The following CTNNBIP1 variants were observed in gnomAD, a reference collection of about 807,000 sequenced individuals.
CTNNBIP1 encodes catenin beta interacting protein 1.
CTNNBIP1 carries 7 observed loss-of-function variants against 11.8 expected under a neutral mutation model. That is an observed-to-expected ratio of 0.60 (90% confidence interval 0.34 to 1.12). CTNNBIP1 has a LOEUF of 1.12. Among genes scored for constraint, CTNNBIP1 ranks in the 50% most tolerant of loss-of-function variants. CTNNBIP1 has a pLI of 0.03. For synonymous variants in CTNNBIP1, 58 were observed against 43.9 expected, an observed-to-expected ratio of 1.32 and a Z score of -1.26; for missense variants, 101 against 113.4, an observed-to-expected ratio of 0.89 and a Z score of 0.50.
At chr1:9,907,447 CA>C (rs1308704678) in intron 1 of CTNNBIP1, among the ~76,000 whole-genome samples, 5 of 152,120 alleles carry the variant, frequency 3.3e-5, no homozygotes, top group Admixed American at 6.5e-5. Context: ...TTGGCATATA[CA>C]GGGGTGAGCC....
chr1:9,861,675 C>T (rs1638629611), intron 5 of CTNNBIP1, among the ~76,000 whole-genome samples: 1 of 152,212 alleles, frequency 6.6e-6, no homozygotes, highest in African/African-American at 2.4e-5. Flanking sequence ...GCTGCTGAGC[C>T]AGCTCCCAGT....
chr1:9,900,826 G>C (rs1431515586), intron 1 of CTNNBIP1, among the ~76,000 whole-genome samples: 1 of 152,220 alleles, frequency 6.6e-6, no homozygotes, highest in African/African-American at 2.4e-5. Context: ...CCAGAGGAAG[G>C]CTATGTGCCC....
At chr1:9,876,845 T>TACACACACACACACACACACAC (rs34192085) in intron 3 of CTNNBIP1, among the ~76,000 whole-genome samples, 2 of 138,102 alleles carry the variant, frequency 1.4e-5, no homozygotes, top group Non-Finnish European at 3.2e-5. Context: ...CTGCTATACA[T>TACACACACACACACACACACAC]ACACACACAC....
rs2101414175 is a variant in CTNNBIP1, at chr1:9,850,501, C to A, written c.*217G>T. 2.2e-6 allele frequency: 1 copy of A among 459,662 alleles called. No individual in the cohort carries two copies. The highest frequency in any genetic ancestry group is 4.0e-6 in the Non-Finnish European group (1 of 252,860). 28.5% of individuals were successfully genotyped at this position (459,662 alleles called of 1,614,324 possible). A position where few individuals can be genotyped will look rare whatever the true frequency, so the allele number is the denominator to read the frequency against. ...AAAAAAGTTTCTTCCTGCAGCCAATCACAAGTCCATCCCTTTAAGCCAATT... is the reference window on the plus strand; with the variant it reads ...AAAAAAGTTTCTTCCTGCAGCCAATAACAAGTCCATCCCTTTAAGCCAATT... On this transcript the variant is annotated 3_prime_UTR_variant, in exon 6 of 6. Coordinates refer to ENST00000377263, the MANE Select transcript of CTNNBIP1 (RefSeq NM_020248.3).
At chr1:9,862,584 T>C (rs143635785) in intron 5 of CTNNBIP1, among the ~76,000 whole-genome samples, 1 of 152,324 alleles carries the variant, frequency 6.6e-6, no homozygotes, top group Non-Finnish European at 1.5e-5. Context: ...TGCTACAGAC[T>C]GTCCCCTGAC....
At chr1:9,857,806 C>CA (rs1430924621) in intron 5 of CTNNBIP1, among the ~76,000 whole-genome samples, 2 of 152,086 alleles carry the variant, frequency 1.3e-5, no homozygotes, top group African/African-American at 2.4e-5. Flanking sequence ...GTCTCAAAAA[C>CA]AATAACAACA....
At chr1:9,901,685 C>T (rs541081531) in intron 1 of CTNNBIP1, among the ~76,000 whole-genome samples, 1 of 152,310 alleles carries the variant, frequency 6.6e-6, no homozygotes, top group African/African-American at 2.4e-5. Context: ...AATCTTCTAG[C>T]TGAAACAGCG....
At chr1:9,859,436 C>G (rs1638577927) in intron 5 of CTNNBIP1, among the ~76,000 whole-genome samples, 1 of 152,220 alleles carries the variant, frequency 6.6e-6, no homozygotes, top group African/African-American at 2.4e-5. Flanking sequence ...TGAACTCCCA[C>G]CAGCATGCTG....
intron 5 of CTNNBIP1, among the ~76,000 whole-genome samples, chr1:9,854,728 G>T (rs1335359502): frequency 2.0e-5 from 3 of 152,004 alleles, no homozygotes; most frequent in Non-Finnish European, 2.9e-5. Flanking sequence ...CCAGGCCAGA[G>T]TGCAGTGGCA....
At chr1:9,881,719 G>C (rs1639087236) in intron 2 of CTNNBIP1, among the ~76,000 whole-genome samples, 1 of 152,136 alleles carries the variant, frequency 6.6e-6, no homozygotes, top group African/African-American at 2.4e-5. Context: ...TCTAGAATGA[G>C]AAAAAGAAGG....
At chr1:9,861,956 C>T (rs1638637079) in intron 5 of CTNNBIP1, among the ~76,000 whole-genome samples, 1 of 152,236 alleles carries the variant, frequency 6.6e-6, no homozygotes, top group South Asian at 2.1e-4. Context: ...CGACATCCCA[C>T]AGGGTCGCAC....
intron 1 of CTNNBIP1, among the ~76,000 whole-genome samples, chr1:9,891,628 C>T (rs1639302312): frequency 6.6e-6 from 1 of 152,098 alleles, no homozygotes; most frequent in Non-Finnish European, 1.5e-5. Flanking sequence ...TGGGGAAACG[C>T]TTCCCAATCA....
At chr1:9,869,191 G>T (rs1374252043) in intron 5 of CTNNBIP1, among the ~76,000 whole-genome samples, 2 of 151,100 alleles carry the variant, frequency 1.3e-5, no homozygotes, top group East Asian at 3.9e-4. Context: ...GTAGCGAGAG[G>T]GTCTCCCTAT....
chr1:9,853,899 T>TGCTA (rs76484326), intron 5 of CTNNBIP1, among the ~76,000 whole-genome samples: 17,730 of 151,956 alleles, frequency 0.12, 2,860 homozygotes, highest in African/African-American at 0.35. Flanking sequence ...CCCAACAAAA[T>TGCTA]GCTAGCAAAC....
chr1:9,863,210 T>A (rs1638670207), intron 5 of CTNNBIP1, among the ~76,000 whole-genome samples: 1 of 152,204 alleles, frequency 6.6e-6, no homozygotes, highest in Non-Finnish European at 1.5e-5. Context: ...TCCCCCTTTT[T>A]CAGTGACACA....
At chr1:9,898,456 G>A (rs189913154) in intron 1 of CTNNBIP1, among the ~76,000 whole-genome samples, 65 of 152,258 alleles carry the variant, frequency 4.3e-4, no homozygotes, top group Non-Finnish European at 7.2e-4. Flanking sequence ...TCTGGGAGTC[G>A]GAGGTTGCAG....
intron 3 of CTNNBIP1, among the ~76,000 whole-genome samples, chr1:9,877,573 TA>T (rs1007610388): frequency 1.3e-5 from 2 of 152,234 alleles, no homozygotes; most frequent in African/African-American, 4.8e-5. Flanking sequence ...TGATAGATTC[TA>T]ATACATTTAA....
intron 5 of CTNNBIP1, among the ~76,000 whole-genome samples, chr1:9,865,877 G>A (rs1299925046): frequency 6.6e-6 from 1 of 152,148 alleles, no homozygotes; most frequent in Non-Finnish European, 1.5e-5. Flanking sequence ...CTGACCATGA[G>A]AGAAGCCTGG....
Position 9,872,084 on chromosome 1 carries a change from G to A in CTNNBIP1, c.-20C>T. ...GTTCATCCCCCTGCCTGGCTCTGGG[G>A]ACTCCTGCAGAGCAAGCAACAGCAT... is the stretch of plus-strand genomic sequence containing the variant. On this transcript the variant is annotated 5_prime_UTR_variant, in exon 4 of 6. Transcript: ENST00000377263. This position sits in a 1 kb window ranked among gnomAD's most constrained non-coding sequence, Gnocchi z 4.0. The A allele has an allele frequency of 6.3e-7, 1 of 1,581,382 alleles. No individual in the cohort carries two copies. Among genetic ancestry groups the A allele is most frequent in the Non-Finnish European group, 8.7e-7 (1 of 1,150,186 alleles).
Sources: allele counts gnomAD v4.1 joint callset (sites outside exome capture counted in the v4.1 genomes callset), GRCh38; gene constraint gnomAD v4.1.1; non-coding constraint Gnocchi (gnomAD v3.1); transcripts MANE v1.5; gene names NCBI Gene and HGNC (gene_info 2026-07-23, HGNC 2026-07-21).